The following NRF1 variants were observed in gnomAD, a reference collection of about 807,000 sequenced individuals.
NRF1 encodes the protein nuclear respiratory factor 1, also known as alpha palindromic-binding protein.
Under a neutral mutation model 58.5 loss-of-function variants are expected in NRF1, and 5 were observed. That is an observed-to-expected ratio of 0.09 (90% CI 0.04 to 0.18). The LOEUF is 0.18. Ranked by LOEUF, NRF1 falls within the 10% of genes least tolerant of loss-of-function variation. The pLI, the probability that NRF1 is intolerant of heterozygous loss-of-function variation, is 1.00. For synonymous variants in NRF1, 224 were observed against 246.7 expected, an observed-to-expected ratio of 0.91 and a Z score of 0.86; for missense variants, 288 against 657.7, an observed-to-expected ratio of 0.44 and a Z score of 6.15.
chr7:129,649,035 TTTTTC>T (rs1221084433), intron 1 of NRF1, among the ~76,000 whole-genome samples: 3 of 152,152 alleles, frequency 2.0e-5, no homozygotes, highest in African/African-American at 7.2e-5. Context: ...GTCAAATGGA[TTTTTC>T]TTTTCTTATG....
chr7:129,695,512 G>T (rs1802668477), intron 5 of NRF1, among the ~76,000 whole-genome samples: 1 of 150,386 alleles, frequency 6.6e-6, no homozygotes, highest in East Asian at 2.0e-4. Context: ...GGAGGCGGAG[G>T]TTACATTGAG....
intron 1 of NRF1, among the ~76,000 whole-genome samples, chr7:129,646,437 C>A (rs1002073687): frequency 6.6e-6 from 1 of 152,110 alleles, no homozygotes; most frequent in Non-Finnish European, 1.5e-5. Context: ...ACAGGTGTTA[C>A]AAGATGAAAG....
chr7:129,618,426 T>G (rs534084012), intron 1 of NRF1, among the ~76,000 whole-genome samples: 1 of 152,320 alleles, frequency 6.6e-6, no homozygotes, highest in African/African-American at 2.4e-5. Flanking sequence ...CCAGGCATGG[T>G]GCCTCACACC....
intron 1 of NRF1, among the ~76,000 whole-genome samples, chr7:129,647,032 ATTTTC>A (rs1325446640): frequency 2.6e-5 from 4 of 151,902 alleles, no homozygotes; most frequent in Admixed American, 6.6e-5. Flanking sequence ...AGCTTACAGT[ATTTTC>A]TTTTCTTTTT....
chr7:129,706,450 C>T (rs17556430), intron 5 of NRF1, among the ~76,000 whole-genome samples: 47,866 of 151,918 alleles, frequency 0.32, 8,548 homozygotes, highest in Non-Finnish European at 0.42. Context: ...ACACCAGAGA[C>T]GTTTCAAAGA....
chr7:129,651,986 A>G (rs149676208), intron 1 of NRF1, among the ~76,000 whole-genome samples: 6 of 152,344 alleles, frequency 3.9e-5, no homozygotes, highest in African/African-American at 1.4e-4. Context: ...AGATTTTCCA[A>G]ATGTTCACAT....
intron 1 of NRF1, among the ~76,000 whole-genome samples, chr7:129,643,933 T>C (rs1801348952): frequency 6.6e-6 from 1 of 152,250 alleles, no homozygotes; most frequent in Admixed American, 6.5e-5. Context: ...ATCTGCTGTC[T>C]GCGCGTTCAT....
intron 2 of NRF1, among the ~76,000 whole-genome samples, chr7:129,670,185 G>A (rs1373274867): frequency 1.3e-5 from 2 of 152,216 alleles, no homozygotes; most frequent in African/African-American, 2.4e-5. Flanking sequence ...GTCTGGGGGT[G>A]AGGGACAGAT....
chr7:129,619,496 A>G (rs950592750), intron 1 of NRF1, among the ~76,000 whole-genome samples: 49 of 80,990 alleles, frequency 6.1e-4, no homozygotes, highest in East Asian at 3.1e-3. Flanking sequence ...GTGTGTATAT[A>G]TATATATATA....
chr7:129,669,627 C>G (rs532987181), intron 2 of NRF1, among the ~76,000 whole-genome samples: 2 of 152,298 alleles, frequency 1.3e-5, no homozygotes, highest in East Asian at 3.9e-4. Flanking sequence ...ATAAACATCT[C>G]TGTAAGGAAG....
chr7:129,727,106 A>G (rs944260179), intron 9 of NRF1, 135 bp from the exon 10 acceptor site: 1 of 807,298 alleles, frequency 1.2e-6, no homozygotes, highest in South Asian at 2.6e-5. Context: ...TAGCACTGTT[A>G]TCACATATTT....
chr7:129,683,288 A>AGTGTGTGTGT (rs35691853), intron 4 of NRF1, among the ~76,000 whole-genome samples: 50 of 140,504 alleles, frequency 3.6e-4, no homozygotes, highest in Admixed American at 1.8e-3. Context: ...TCATGTGGAG[A>AGTGTGTGTGT]GTGTGTGTGT....
At chr7:129,716,291 T>C (rs1264823530) in intron 8 of NRF1, among the ~76,000 whole-genome samples, 1 of 152,062 alleles carries the variant, frequency 6.6e-6, no homozygotes, top group East Asian at 1.9e-4. Context: ...CATGGAAATA[T>C]TGTATAATGA....
At chr7:129,699,215 GT>G (rs1413264622) in intron 5 of NRF1, among the ~76,000 whole-genome samples, 11 of 152,188 alleles carry the variant, frequency 7.2e-5, no homozygotes, top group Non-Finnish European at 1.5e-5. Context: ...TTAGGAAGGA[GT>G]TATTCACACG....
At chr7:129,679,840 T>C (rs899541977) in intron 4 of NRF1, among the ~76,000 whole-genome samples, 1 of 142,742 alleles carries the variant, frequency 7.0e-6, no homozygotes. Flanking sequence ...GGTAGATCAC[T>C]TGAAGTCAGG....
chr7:129,673,674 G>C (rs182307073), intron 3 of NRF1, among the ~76,000 whole-genome samples: 1 of 117,166 alleles, frequency 8.5e-6, no homozygotes, highest in Non-Finnish European at 1.6e-5. Flanking sequence ...CGGAGATCGC[G>C]CCACAGCACT....
intron 4 of NRF1, among the ~76,000 whole-genome samples, chr7:129,683,320 TGAGA>T (rs72404049): frequency 0.15 from 19,900 of 135,554 alleles, 1,183 homozygotes; most frequent in East Asian, 0.25. Flanking sequence ...TGTGTGTGTG[TGAGA>T]GAGAGAGAGA....
intron 10 of NRF1, chr7:129,744,200 G>C (rs904953716): frequency 3.9e-6 from 6 of 1,544,466 alleles, no homozygotes; most frequent in Non-Finnish European, 5.2e-6. Context: ...CGTGCAGGTC[G>C]CAAGTGGATC....
At chr7:129,677,157 T>A (rs1802201541) in intron 3 of NRF1, among the ~76,000 whole-genome samples, 1 of 151,986 alleles carries the variant, frequency 6.6e-6, no homozygotes, top group Admixed American at 6.6e-5. Flanking sequence ...ATTACAGGCG[T>A]GTGCCACCAT....
Sources: gnomAD v4.1 joint callset for allele counts (sites outside exome capture counted in the v4.1 genomes callset) on GRCh38, gnomAD v4.1.1 for gene constraint, MANE v1.5 for transcripts, NCBI Gene and HGNC (gene_info 2026-07-23, HGNC 2026-07-21) for gene names.